The following BRWD1 variants were observed in gnomAD, a reference collection of about 807,000 sequenced individuals.
BRWD1 encodes the protein bromodomain and WD repeat-containing protein 1.
Under a neutral mutation model 251.2 loss-of-function variants are expected in BRWD1, and 82 were observed. The observed-to-expected ratio is 0.33, with a 90% CI of 0.27 to 0.39. BRWD1 has a LOEUF of 0.39. Ranked by LOEUF, BRWD1 falls within the 10% of genes least tolerant of loss-of-function variation. The probability of loss-of-function intolerance (pLI) is 1.00; values close to 1 mark genes in which losing one functional copy is unlikely to be tolerated. For missense variants in BRWD1, 2,233 were observed against 2,711.6 expected (o/e 0.82, Z 3.92); for synonymous variants, 918 against 902.8 (o/e 1.02, Z -0.30).
chr21:39,212,639 A>G (rs1239379022), intron 34 of BRWD1, 27 bp downstream of exon 34: 3 of 1,514,606 alleles, frequency 2.0e-6, no homozygotes, highest in Non-Finnish European at 1.8e-6. Context: ...AAGAAACTAC[A>G]AAAGTCAACC....
chr21:39,291,393 C>A (rs1020144342), intron 8 of BRWD1, among the ~76,000 whole-genome samples: 2 of 152,158 alleles, frequency 1.3e-5, no homozygotes, highest in Non-Finnish European at 2.9e-5. Flanking sequence ...AATCATCTAA[C>A]AATTTACTTC....
Position 39,296,336 on chromosome 21 carries a change from G to T in BRWD1, c.377C>A (p.Ser126Tyr). The T allele has an allele frequency of 6.3e-7, 1 of 1,597,216 alleles. No individual in the cohort carries two copies. The highest frequency in any genetic ancestry group is 8.5e-7 in the Non-Finnish European group (1 of 1,173,392). The change falls in exon 6 of 41, where the codon TCT (serine) becomes TAT (tyrosine). Residue 126 changes from serine to tyrosine, a missense_variant. Around this residue, in one of 12 missense-constraint regions of BRWD1, gnomAD observed 185 missense variants for 260.6 expected, o/e 0.71. Coordinates refer to ENST00000342449, the MANE Select transcript of BRWD1 (RefSeq NM_033656.4). ...TCCTCTATGAAGAGCAGCAAAGGCA[G>T]AGCCCTTCCAAACTGTGTGCCTGCA... ...KDCRHTVWKG[S>Y]AFAALHRGRP...
rs2032753006 is a variant in BRWD1, at chr21:39,213,499, C to T, written c.3840G>A (p.Glu1280=). 1 of 1,611,324 alleles carries T rather than the reference C, an allele frequency of 6.2e-7. No individual in the cohort carries two copies. Among genetic ancestry groups the T allele is most frequent in the South Asian group, 1.1e-5 (1 of 90,366 alleles). The change falls in exon 33 of 41, where the codon GAG becomes GAA. Residue 1280 remains glutamate, a synonymous_variant. Coordinates refer to ENST00000342449, the MANE Select transcript of BRWD1 (RefSeq NM_033656.4). ...TTCATACCAAATCCTCAGCATTTTG[C>T]TCATCATTTTCAGATGTGTTAGAAA... ...SELSNTSEND[E]QNAEDLDDSD...
rs1442486862 is a variant in BRWD1 at position 39,193,202 on chromosome 21, TCTA to T, written c.*3054_*3056del. On this transcript the variant is annotated 3_prime_UTR_variant, in exon 41 of 41. Transcript: ENST00000342449. ...ACCCAATTTCCTCTTTAGGTGCAGC[TCTA>T]CTATTTGAAAGGAACCTTTCTGTTG... 13 of 985,152 alleles carry T rather than the reference TCTA, an allele frequency of 1.3e-5. No homozygotes were observed. In the South Asian group the frequency reaches 4.7e-4, roughly 36 times the overall value. 61.0% of individuals were successfully genotyped at this position (985,152 alleles called of 1,614,324 possible).
intron 4 of BRWD1, among the ~76,000 whole-genome samples, chr21:39,300,946 A>T (rs1035546403): frequency 7.9e-5 from 12 of 152,214 alleles, no homozygotes; most frequent in Non-Finnish European, 1.3e-4. Flanking sequence ...TGGGAGGCCA[A>T]GGCGGGCAGA....
rs772540750 is a variant in BRWD1, at chr21:39,202,481, TAGG to T, written c.4426_4428del (p.Pro1476del). The T allele has an allele frequency of 6.2e-7, 1 of 1,613,980 alleles. No homozygotes were observed. The highest frequency in any genetic ancestry group is 8.5e-7 in the Non-Finnish European group (1 of 1,179,918). Reference sequence around the variant, plus strand: ...GCTGTCCTACTTGAGGTAGACTGGGTAGGAGAACCTACCAACTCAGGAATTATT... The same window carrying T: ...GCTGTCCTACTTGAGGTAGACTGGGTAGAACCTACCAACTCAGGAATTATT... On this transcript the variant is annotated inframe_deletion, in exon 38 of 41. Coordinates refer to ENST00000342449, the MANE Select transcript of BRWD1 (RefSeq NM_033656.4).
chr21:39,299,856 G>A (rs982660791), intron 4 of BRWD1, among the ~76,000 whole-genome samples: 2 of 151,348 alleles, frequency 1.3e-5, no homozygotes, highest in African/African-American at 4.9e-5. Flanking sequence ...GGTGGTAGGC[G>A]CCTGTAATCC....
At chr21:39,274,811 G>A (rs1475755500) in intron 12 of BRWD1, among the ~76,000 whole-genome samples, 1 of 152,188 alleles carries the variant, frequency 6.6e-6, no homozygotes, top group East Asian at 1.9e-4. Context: ...GGAGGCCAAG[G>A]TGGGTGGATC....
In BRWD1 at chr21:39,197,286, G is replaced by T; in HGVS notation, c.5783C>A (p.Thr1928Asn). The stretch of plus-strand genomic sequence containing the variant: ...GGCAGCCGTAGCTGCACATCTTCGA[G>T]TAATCCTCAGGAGACCTGTTCTGGC... ...SKARTGLLRI[T>N]RRCAATAANK... is the part of the protein sequence containing the mutation. The change falls in exon 41 of 41, where the codon ACT becomes AAT. Residue 1928 changes from threonine (T) to asparagine (N), a missense_variant. Around this residue, in one of 12 missense-constraint regions of BRWD1, gnomAD observed 928 missense variants for 970.0 expected, o/e 0.96. Transcript: ENST00000342449. 6.2e-7 allele frequency: 1 copy of T among 1,614,040 alleles called. No individual in the cohort carries two copies. Among genetic ancestry groups the T allele is most frequent in the South Asian group, 1.1e-5 (1 of 91,072 alleles).
rs1456136687 is a variant in BRWD1, at chr21:39,188,646, G to A, written c.*7613C>T. Reference sequence around the variant, plus strand: ...ATGTTCATACAGCTAGACTAATGAGGCAGGCCTCTGCCCTCACAGTGCAAG... The same window carrying A: ...ATGTTCATACAGCTAGACTAATGAGACAGGCCTCTGCCCTCACAGTGCAAG... On this transcript the variant is annotated 3_prime_UTR_variant, in exon 41 of 41. Coordinates refer to ENST00000342449, the MANE Select transcript of BRWD1 (RefSeq NM_033656.4). 6.1e-6 allele frequency: 6 copies of A among 985,234 alleles called. No individual in the cohort carries two copies. The highest frequency in any genetic ancestry group is 6.0e-6 in the Non-Finnish European group (5 of 829,908). 61.0% of individuals were successfully genotyped at this position (985,234 alleles called of 1,614,324 possible).
chr21:39,276,251 C>A, intron 11 of BRWD1, 38 bp from the exon 12 acceptor site: 1 of 1,542,090 alleles, frequency 6.5e-7, no homozygotes. Context: ...AAATGATCAT[C>A]TACATGGTCT....
At chr21:39,264,840 A>T in intron 16 of BRWD1, 51 bp downstream of exon 16, 1 of 1,590,714 alleles carries the variant, frequency 6.3e-7, no homozygotes, top group Non-Finnish European at 8.6e-7. Flanking sequence ...TATTTCCAAA[A>T]CACAGCTGAT....
intron 32 of BRWD1, 99 bp downstream of exon 32, chr21:39,215,138 G>T: frequency 8.0e-7 from 1 of 1,250,092 alleles, no homozygotes; most frequent in Non-Finnish European, 1.1e-6. Context: ...CCAAAGTGCT[G>T]GGATTAACAG....
chr21:39,241,038 T>G (rs1221345178), intron 21 of BRWD1, among the ~76,000 whole-genome samples: 1 of 151,620 alleles, frequency 6.6e-6, no homozygotes, highest in Non-Finnish European at 1.5e-5. Context: ...GTAGCTGGGA[T>G]TACAGGCACC....
At chr21:39,211,098 A>G (rs1043461808) in intron 34 of BRWD1, among the ~76,000 whole-genome samples, 169 bp from the exon 35 acceptor site, 1 of 152,220 alleles carries the variant, frequency 6.6e-6, no homozygotes, top group Non-Finnish European at 1.5e-5. Flanking sequence ...AACGTAAGTT[A>G]TTTTCATATA....
intron 13 of BRWD1, 143 bp from the exon 14 acceptor site, chr21:39,270,576 C>T (rs963255543): frequency 1.1e-4 from 73 of 640,874 alleles, no homozygotes; most frequent in South Asian, 5.3e-5. Flanking sequence ...ACAGCTGACC[C>T]AGAACAGACT....
intron 27 of BRWD1, among the ~76,000 whole-genome samples, chr21:39,225,565 C>T (rs2033349034): frequency 6.6e-6 from 1 of 152,154 alleles, no homozygotes; most frequent in Non-Finnish European, 1.5e-5. Flanking sequence ...CTATCCAGCA[C>T]TGATGATTCT....
At position 39,258,602 on chromosome 21, in the gene BRWD1, C is replaced by T. The variant is rs766805350; in HGVS notation, c.1956G>A (p.Ser652=). ...GTCTTATCATTCCATCAAGAATACT[C>T]GATTCTGGGCTGCGTTCATCATTAT... ...TNDNDERSPE[S]SILDGMIRQL... is the part of the protein sequence containing the mutation. Residue 652 remains serine, a synonymous_variant, in exon 18 of 41, where the codon TCG becomes TCA. Coordinates refer to ENST00000342449, the MANE Select transcript of BRWD1 (RefSeq NM_033656.4). 36 of 1,612,980 alleles carry T rather than the reference C, an allele frequency of 2.2e-5. No individual in the cohort carries two copies. The highest frequency in any genetic ancestry group is 2.7e-5 in the African/African-American group (2 of 74,856).
At chr21:39,220,041 C>G (rs1464454958) in intron 29 of BRWD1, among the ~76,000 whole-genome samples, 1 of 146,260 alleles carries the variant, frequency 6.8e-6, no homozygotes, top group Admixed American at 6.9e-5. Context: ...TTAAAAAACA[C>G]TGGTTTATCA....
Sources: allele counts gnomAD v4.1 joint callset (sites outside exome capture counted in the v4.1 genomes callset), GRCh38; gene constraint gnomAD v4.1.1; regional missense constraint gnomAD v4.1.1; transcripts MANE v1.5; gene names NCBI Gene and HGNC (gene_info 2026-07-23, HGNC 2026-07-21).